Variants in ADAM32 observed in about 807,000 individuals in gnomAD.
The protein encoded by ADAM32 is ADAM metallopeptidase domain 32.
Under a neutral mutation model 114.9 loss-of-function variants are expected in ADAM32, and 89 were observed. The ratio of observed to expected loss-of-function variants is 0.77; its 90% CI spans 0.65 to 0.92. The LOEUF is 0.92. Among genes scored for constraint, ADAM32 ranks in the 40% least tolerant of loss-of-function variants. The pLI is 0.00. For synonymous variants in ADAM32, 285 were observed against 307.5 expected (o/e 0.93, Z 0.77); for missense variants, 870 against 932.8 (o/e 0.93, Z 0.88).
At chr8:39,275,889 T>G in intron 22 of ADAM32, 23 bp downstream of exon 22, 1 of 1,533,178 alleles carries the variant, frequency 6.5e-7, no homozygotes, top group African/African-American at 1.4e-5. Context: ...GGGGGCATTT[T>G]TTTTATATAA....
intron 17 of ADAM32, among the ~76,000 whole-genome samples, chr8:39,248,904 C>CTTT (rs373072424): frequency 4.5e-5 from 6 of 134,132 alleles, no homozygotes; most frequent in African/African-American, 5.5e-5. Flanking sequence ...TGAGTGTTGA[C>CTTT]TTTTTTTTTT....
At chr8:39,147,503 A>T (rs1355842543) in intron 4 of ADAM32, among the ~76,000 whole-genome samples, 1 of 152,022 alleles carries the variant, frequency 6.6e-6, no homozygotes, top group Admixed American at 6.6e-5. Flanking sequence ...AGTGGACATG[A>T]ATGTTATGAG....
chr8:39,257,228 T>C lies in ADAM32; in HGVS notation c.2047T>C (p.Trp683Arg), dbSNP rs747687445. The change falls in exon 19 of 25, where the codon TGG becomes CGG. Residue 683 changes from tryptophan to arginine, a missense_variant. By Grantham distance (101) the Trp-to-Arg change is moderately radical (BLOSUM62 -3). Transcript: ENST00000379907. ...ERASGKTENT[W>R]LLGFLIALPI... ...AGCATCTGGGAAGACTGAAAACACC[T>C]GGCTTCTAGGTTTCCTCATTGCTCT... The C allele has an allele frequency of 4.3e-6, 7 of 1,610,752 alleles. No individual in the cohort carries two copies. In the South Asian group the frequency reaches 6.6e-5, roughly 15 times the overall value.
chr8:39,143,456 A>G (rs752278643), intron 3 of ADAM32, among the ~76,000 whole-genome samples: 1 of 152,126 alleles, frequency 6.6e-6, no homozygotes, highest in Non-Finnish European at 1.5e-5. Flanking sequence ...TCCTTTTAAT[A>G]GTCAGACCCC....
intron 11 of ADAM32, among the ~76,000 whole-genome samples, chr8:39,189,263 C>T (rs1806448201): frequency 6.6e-6 from 1 of 152,150 alleles, no homozygotes; most frequent in South Asian, 2.1e-4. Flanking sequence ...TGGTATTAGT[C>T]AACAAGTTTA....
intron 14 of ADAM32, among the ~76,000 whole-genome samples, chr8:39,225,765 C>T (rs1381829838): frequency 1.4e-5 from 2 of 147,502 alleles, no homozygotes; most frequent in Non-Finnish European, 3.0e-5. Context: ...TTCTAACAGC[C>T]TTTTTCCCAC....
intron 11 of ADAM32, among the ~76,000 whole-genome samples, chr8:39,191,049 C>G (rs1333624982): frequency 9.3e-6 from 1 of 107,670 alleles, no homozygotes; most frequent in African/African-American, 2.7e-5. Context: ...ATAATGGCCT[C>G]CAGCTCCATC....
intron 6 of ADAM32, among the ~76,000 whole-genome samples, chr8:39,153,201 CAG>C (rs1402630283): frequency 6.6e-6 from 1 of 152,144 alleles, no homozygotes; most frequent in Non-Finnish European, 1.5e-5. Context: ...AGTGCAGTGC[CAG>C]AGTTTTCAAT....
At chr8:39,111,511 G>A (rs894914547) in intron 1 of ADAM32, among the ~76,000 whole-genome samples, 2 of 152,088 alleles carry the variant, frequency 1.3e-5, no homozygotes, top group Non-Finnish European at 2.9e-5. Context: ...CAAGGTGGGT[G>A]GATCACTTGA....
chr8:39,146,656 C>T (rs1339344274), intron 3 of ADAM32, among the ~76,000 whole-genome samples: 5 of 152,262 alleles, frequency 3.3e-5, no homozygotes, highest in Admixed American at 3.3e-4. Flanking sequence ...GGTGATCTGC[C>T]CACCTTGGCC....
chr8:39,257,143 A>C, intron 18 of ADAM32, 44 bp from the exon 19 acceptor site: 1 of 1,473,296 alleles, frequency 6.8e-7, no homozygotes, highest in South Asian at 1.3e-5. Context: ...AAAAGTAGAT[A>C]GTTTAATTTT....
chr8:39,263,756 T>C (rs1045343609), intron 19 of ADAM32, among the ~76,000 whole-genome samples: 1 of 152,206 alleles, frequency 6.6e-6, no homozygotes, highest in Non-Finnish European at 1.5e-5. Flanking sequence ...GCCTACAGTT[T>C]TGCCCATCAG....
intron 11 of ADAM32, among the ~76,000 whole-genome samples, chr8:39,208,813 A>T (rs899154701): frequency 6.6e-6 from 1 of 152,102 alleles, no homozygotes; most frequent in African/African-American, 2.4e-5. Flanking sequence ...TACTGCTTTT[A>T]GGAGTCTCTA....
intron 10 of ADAM32, among the ~76,000 whole-genome samples, chr8:39,185,480 G>T (rs1467501656): frequency 6.6e-6 from 1 of 152,096 alleles, no homozygotes; most frequent in Non-Finnish European, 1.5e-5. Context: ...TTTGATCAAG[G>T]GTAGTTTCCC....
At chr8:39,151,825 G>A (rs1035981246) in intron 6 of ADAM32, among the ~76,000 whole-genome samples, 3 of 151,152 alleles carry the variant, frequency 2.0e-5, no homozygotes, top group African/African-American at 7.3e-5. Flanking sequence ...CACCATACCA[G>A]ACTAATTTTT....
intron 10 of ADAM32, among the ~76,000 whole-genome samples, chr8:39,180,517 C>T (rs995436954): frequency 2.0e-5 from 3 of 152,244 alleles, no homozygotes; most frequent in Non-Finnish European, 4.4e-5. Flanking sequence ...AGTACGAGCA[C>T]ATGGCGCGGG....
At chr8:39,140,405 G>T (rs191198695) in intron 3 of ADAM32, among the ~76,000 whole-genome samples, 132 of 152,266 alleles carry the variant, frequency 8.7e-4, no homozygotes, top group Non-Finnish European at 1.7e-3. Flanking sequence ...TGCATCTATT[G>T]AGATCATCGT....
intron 12 of ADAM32, among the ~76,000 whole-genome samples, chr8:39,219,877 A>G (rs1009937875): frequency 3.9e-5 from 6 of 152,228 alleles, no homozygotes; most frequent in African/African-American, 1.2e-4. Flanking sequence ...GGTTGATCTT[A>G]GAGTATGTTC....
intron 6 of ADAM32, among the ~76,000 whole-genome samples, chr8:39,152,580 G>A (rs572720296): frequency 5.9e-5 from 9 of 152,078 alleles, no homozygotes; most frequent in Non-Finnish European, 1.0e-4. Flanking sequence ...AGATTAGTCA[G>A]GCATGGTGGC....
Sources: gnomAD v4.1 joint callset for allele counts (sites outside exome capture counted in the v4.1 genomes callset) on GRCh38, gnomAD v4.1.1 for gene constraint, MANE v1.5 for transcripts, NCBI Gene and HGNC (gene_info 2026-07-23, HGNC 2026-07-21) for gene names.